The following GSE1 variants were observed in gnomAD, a reference collection of about 807,000 sequenced individuals.
GSE1 encodes Gse1 coiled-coil protein, also known as genetic suppressor element 1.
Under a neutral mutation model 112.6 loss-of-function variants are expected in GSE1, and 32 were observed. That is an observed-to-expected ratio of 0.28 (90% confidence interval 0.21 to 0.38). The LOEUF is 0.38. Among genes scored for constraint, GSE1 ranks in the 10% least tolerant of loss-of-function variants. GSE1 has a pLI of 1.00. For synonymous variants in GSE1, 1,115 were observed against 735.6 expected (o/e 1.52, Z -8.35); for missense variants, 2,348 against 1,699.2 (o/e 1.38, Z -6.71).
At chr16:85,478,899 C>G (rs1258929158) in intron 2 of GSE1, among the ~76,000 whole-genome samples, 12 of 76,652 alleles carry the variant, frequency 1.6e-4, no homozygotes, top group Non-Finnish European at 2.8e-4. Context: ...TTCTTTCTTT[C>G]TTTCTTTCTT....
chr16:85,230,296 T>C (rs1047246440), intron 1 of GSE1, among the ~76,000 whole-genome samples: 1 of 152,238 alleles, frequency 6.6e-6, no homozygotes, highest in Non-Finnish European at 1.5e-5. Context: ...GGACAGGGCT[T>C]ATTTATCTTT....
At chr16:85,665,801 CA>C (rs2151984227) in intron 12 of GSE1, among the ~76,000 whole-genome samples, 174 bp from the exon 13 acceptor site, 1 of 152,334 alleles carries the variant, frequency 6.6e-6, no homozygotes, top group African/African-American at 2.4e-5. Flanking sequence ...CTAAACACCC[CA>C]CTGTCTTCAG....
At chr16:85,634,215 C>CT (rs1411431850) in intron 2 of GSE1, 83 bp downstream of exon 2, 1 of 958,860 alleles carries the variant, frequency 1.0e-6, no homozygotes, top group Non-Finnish European at 1.4e-6. Context: ...GGCGTGCACG[C>CT]TCACAGCAGG....
chr16:85,431,813 A>T (rs896120069), intron 2 of GSE1, among the ~76,000 whole-genome samples: 2 of 152,226 alleles, frequency 1.3e-5, no homozygotes, highest in Non-Finnish European at 2.9e-5. Flanking sequence ...CAGCTTTATC[A>T]AGCCTCCAGC....
chr16:85,603,009 A>G (rs2047533526), intron 1 of GSE1, among the ~76,000 whole-genome samples: 1 of 152,242 alleles, frequency 6.6e-6, no homozygotes, highest in Non-Finnish European at 1.5e-5. Flanking sequence ...TGCCAGGGTC[A>G]CAGCTGGCCG....
chr16:85,482,339 G>A (rs377574281), intron 2 of GSE1, among the ~76,000 whole-genome samples: 16 of 152,348 alleles, frequency 1.1e-4, no homozygotes, highest in Middle Eastern at 3.4e-3. Flanking sequence ...GGAGGAGGGC[G>A]TGGGTGCTTC....
chr16:85,263,682 C>T (rs554803367), intron 1 of GSE1, among the ~76,000 whole-genome samples: 2 of 152,078 alleles, frequency 1.3e-5, no homozygotes, highest in Admixed American at 1.3e-4. Flanking sequence ...AAGCGATTCT[C>T]CCGCCTCAGC....
intron 1 of GSE1, among the ~76,000 whole-genome samples, chr16:85,614,066 G>A (rs1232837797): frequency 8.3e-6 from 1 of 120,786 alleles, no homozygotes; most frequent in Non-Finnish European, 1.8e-5. Context: ...CCCACCCCCG[G>A]CGGAGCGGCT....
At chr16:85,559,955 G>T (rs374699753) in intron 1 of GSE1, among the ~76,000 whole-genome samples, 2 of 152,116 alleles carry the variant, frequency 1.3e-5, no homozygotes, top group Non-Finnish European at 2.9e-5. Context: ...GTTTGCCCAC[G>T]CTCTGTTGCA....
At chr16:85,192,368 A>C (rs1000076448) in intron 1 of GSE1, among the ~76,000 whole-genome samples, 5 of 152,220 alleles carry the variant, frequency 3.3e-5, no homozygotes, top group African/African-American at 9.6e-5. Context: ...CCATATGTCT[A>C]TTGGAAGGTT....
chr16:85,392,062 G>T, intron 2 of GSE1, among the ~76,000 whole-genome samples: 1 of 152,096 alleles, frequency 6.6e-6, no homozygotes, highest in East Asian at 1.9e-4. Context: ...GCCCCTGTAG[G>T]TTTCCTTCCC....
chr16:85,263,824 C>T (rs991983798), intron 1 of GSE1, among the ~76,000 whole-genome samples: 1 of 152,194 alleles, frequency 6.6e-6, no homozygotes, highest in Non-Finnish European at 1.5e-5. Flanking sequence ...CTGCCTTCCT[C>T]GGCCTCCCAA....
At position 85,517,874 on chromosome 16, in the gene GSE1, C is replaced by T. The variant is rs187489009; in HGVS notation, c.2465-116040C>T. On this transcript the variant is annotated intron_variant, in intron 2 of 2. Transcript: ENST00000637419. ...AACGACAAGCGGAGCCGCGTGGTCGCGAAAGGCCTTGCGTGTGCCCCGTCA... is the reference window on the plus strand; with the variant it reads ...AACGACAAGCGGAGCCGCGTGGTCGTGAAAGGCCTTGCGTGTGCCCCGTCA... Among the ~76,000 whole-genome samples the T allele has an allele frequency of 7.9e-5, 12 of 152,370 alleles. No individual in the cohort carries two copies. The East Asian group carries it at 1.7e-3, about 22-fold the overall frequency.
intron 1 of GSE1, among the ~76,000 whole-genome samples, chr16:85,569,965 G>A (rs984643139): frequency 3.3e-5 from 5 of 152,176 alleles, no homozygotes; most frequent in Admixed American, 6.5e-5. Flanking sequence ...TTCAATCCCC[G>A]CCTCTGTCGG....
At chr16:85,294,320 A>G (rs1001032865) in intron 1 of GSE1, among the ~76,000 whole-genome samples, 2 of 152,194 alleles carry the variant, frequency 1.3e-5, no homozygotes, top group African/African-American at 4.8e-5. Flanking sequence ...AAATGGTCAC[A>G]TGGAACCTGT....
intron 1 of GSE1, among the ~76,000 whole-genome samples, chr16:85,217,506 G>A (rs1358751815): frequency 6.6e-6 from 1 of 152,234 alleles, no homozygotes; most frequent in East Asian, 1.9e-4. Flanking sequence ...GTTTGACCAG[G>A]GGGATCCCAG....
At chr16:85,449,604 G>T (rs528214483) in intron 2 of GSE1, among the ~76,000 whole-genome samples, 3 of 152,256 alleles carry the variant, frequency 2.0e-5, no homozygotes, top group Admixed American at 1.3e-4. Flanking sequence ...TTCCGGAATG[G>T]ACGCTTATGA....
intron 2 of GSE1, among the ~76,000 whole-genome samples, chr16:85,514,373 C>CA (rs34098338): frequency 8.2e-5 from 12 of 146,558 alleles, no homozygotes; most frequent in Admixed American, 6.1e-4. Context: ...CACCACCCCC[C>CA]CATCCTTTGC....
At chr16:85,670,040 G>C (rs1000520935) in intron 14 of GSE1, among the ~76,000 whole-genome samples, 7 of 152,188 alleles carry the variant, frequency 4.6e-5, no homozygotes, top group African/African-American at 1.7e-4. Context: ...CAGTTGCATT[G>C]AATTTACAGG....
Sources: allele counts gnomAD v4.1 joint callset (sites outside exome capture counted in the v4.1 genomes callset), GRCh38; gene constraint gnomAD v4.1.1; transcripts MANE v1.5; gene names NCBI Gene and HGNC (gene_info 2026-07-23, HGNC 2026-07-21).